EYS: variants seen among roughly 807,000 people sequenced by gnomAD.
EYS encodes the protein EGF-like photoreceptor maintenance factor.
Under a neutral mutation model 282.1 loss-of-function variants are expected in EYS, and 250 were observed. The observed-to-expected ratio is 0.89, with a 90% CI of 0.80 to 0.98. The LOEUF (loss-of-function observed/expected upper bound fraction) is 0.98, where lower values mean the gene tolerates loss of function less well. EYS is among the 50% of genes least tolerant of loss of function. The pLI, the probability that EYS is intolerant of heterozygous loss-of-function variation, is 0.00. For synonymous variants in EYS, 1,355 were observed against 1,282.9 expected, an observed-to-expected ratio of 1.06 and a Z score of -1.20; for missense variants, 4,016 against 3,709.0, an observed-to-expected ratio of 1.08 and a Z score of -2.15.
intron 2 of EYS, among the ~76,000 whole-genome samples, chr6:65,622,734 T>C (rs1265416642): frequency 6.6e-6 from 1 of 151,040 alleles, no homozygotes; most frequent in Non-Finnish European, 1.5e-5. Context: ...GAATATCTCT[T>C]ACTATATAGG....
intron 30 of EYS, among the ~76,000 whole-genome samples, chr6:64,284,509 A>G (rs550427958): frequency 5.9e-5 from 9 of 152,160 alleles, no homozygotes; most frequent in Middle Eastern, 3.4e-3. Context: ...TGGATCTACC[A>G]TTCTGGGGTC....
chr6:64,139,607 C>A (rs888114788), intron 31 of EYS, among the ~76,000 whole-genome samples: 2 of 151,948 alleles, frequency 1.3e-5, no homozygotes, highest in African/African-American at 4.8e-5. Flanking sequence ...GAAAGGTTAT[C>A]AATATGGGCA....
At chr6:65,115,319 C>A (rs1047809545) in intron 12 of EYS, among the ~76,000 whole-genome samples, 15 of 152,006 alleles carry the variant, frequency 9.9e-5, no homozygotes, top group Middle Eastern at 3.4e-3. Flanking sequence ...TGTATATGTG[C>A]CTATCCATGT....
chr6:64,708,271 C>T (rs1383873504), intron 22 of EYS, among the ~76,000 whole-genome samples: 5 of 152,128 alleles, frequency 3.3e-5, no homozygotes, highest in African/African-American at 4.8e-5. Context: ...AGCAGTACTG[C>T]GTATGACAGG....
intron 22 of EYS, among the ~76,000 whole-genome samples, chr6:64,690,723 G>A (rs2349512): frequency 0.061 from 9,322 of 152,066 alleles, 330 homozygotes; most frequent in East Asian, 0.15. Context: ...GCATACTCGC[G>A]CAAGGACAGA....
chr6:65,642,545 T>A (rs1170659653), intron 1 of EYS, among the ~76,000 whole-genome samples: 5 of 152,004 alleles, frequency 3.3e-5, no homozygotes, highest in Admixed American at 6.6e-5. Context: ...TTTTTTTTAT[T>A]CACCTTTGTC....
At chr6:64,984,727 C>T (rs1418125040) in intron 14 of EYS, among the ~76,000 whole-genome samples, 1 of 151,298 alleles carries the variant, frequency 6.6e-6, no homozygotes, top group African/African-American at 2.4e-5. Context: ...ACTCCCTCTG[C>T]CTTACAGTGC....
intron 31 of EYS, among the ~76,000 whole-genome samples, chr6:64,208,635 A>G (rs112088623): frequency 2.2e-4 from 34 of 152,302 alleles, no homozygotes; most frequent in African/African-American, 7.0e-4. Context: ...TATTTTAGAA[A>G]TCCAAAATGA....
chr6:65,015,468 C>A (rs577028991), intron 13 of EYS, among the ~76,000 whole-genome samples: 10 of 152,142 alleles, frequency 6.6e-5, no homozygotes, highest in Admixed American at 6.5e-4. Context: ...CTGTTGAAAG[C>A]TTTCCTAAAA....
In EYS at chr6:65,089,955, A is replaced by AG. The variant is rs1382861501; in HGVS notation, c.2024-32229_2024-32228insC. ...CTGGGCAAGAAAGCAAAAAAAAAAA[A>AG]AAAAATTATATATATATATAAATAA... On this transcript the variant is annotated intron_variant, in intron 12 of 42. Coordinates refer to ENST00000503581, the MANE Select transcript of EYS (RefSeq NM_001142800.2). Among the ~76,000 whole-genome samples the AG allele has an allele frequency of 2.8e-5, 4 of 140,796 alleles. No homozygotes were observed. The East Asian group carries it at 8.1e-4, about 29-fold the overall frequency. The allele number at this position is 140,796 out of a possible 152,430, so 92.4% of individuals were successfully genotyped here.
intron 2 of EYS, among the ~76,000 whole-genome samples, chr6:65,614,845 T>C (rs1331748072): frequency 1.3e-5 from 2 of 149,736 alleles, no homozygotes; most frequent in African/African-American, 4.9e-5. Flanking sequence ...ATACAATCTA[T>C]GCATATTCTG....
At chr6:63,926,820 C>T (rs1470391206) in intron 35 of EYS, among the ~76,000 whole-genome samples, 1 of 152,194 alleles carries the variant, frequency 6.6e-6, no homozygotes, top group Non-Finnish European at 1.5e-5. Context: ...CTATTACGTA[C>T]AAATTAACAA....
At chr6:64,960,993 T>C (rs943475409) in intron 14 of EYS, among the ~76,000 whole-genome samples, 4 of 152,210 alleles carry the variant, frequency 2.6e-5, no homozygotes, top group African/African-American at 9.6e-5. Flanking sequence ...ATTTATTTCT[T>C]CATTATGACT....
chr6:65,262,186 C>G (rs1284188286), intron 12 of EYS, among the ~76,000 whole-genome samples: 1 of 152,018 alleles, frequency 6.6e-6, no homozygotes, highest in Non-Finnish European at 1.5e-5. Flanking sequence ...CAGTAACATA[C>G]CTTTGATTCA....
chr6:64,340,808 A>G (rs912501697), intron 29 of EYS, among the ~76,000 whole-genome samples: 2 of 151,804 alleles, frequency 1.3e-5, no homozygotes, highest in Non-Finnish European at 2.9e-5. Flanking sequence ...ATATTTACAA[A>G]CTATACATCT....
intron 14 of EYS, among the ~76,000 whole-genome samples, chr6:64,990,385 T>G (rs1771023875): frequency 6.6e-6 from 1 of 151,628 alleles, no homozygotes; most frequent in South Asian, 2.1e-4. Context: ...ATTGATTGAT[T>G]TCTCAGAAAT....
Position 65,023,764 on chromosome 6 carries a change from T to C in EYS, c.2138-26061A>G, listed in dbSNP as rs73765721. On this transcript the variant is annotated intron_variant, in intron 13 of 42. Transcript: ENST00000503581. ...GCAAGAGCAGTCTTACAGGAAAGTA[T>C]GCACGTGTAGTGCAGGGCAATAATA... Among the ~76,000 whole-genome samples, 980 of 152,340 alleles carry C rather than the reference T, an allele frequency of 6.4e-3. 18 individuals carry two copies. The highest frequency in any genetic ancestry group is 0.021 in the African/African-American group (878 of 41,580).
rs146440319 is a variant in EYS, at chr6:64,897,177, G to A, written c.2846+4936C>T. Among the ~76,000 whole-genome samples the A allele has an allele frequency of 7.1e-3, 1,081 of 152,226 alleles. 6 individuals carry two copies. The highest frequency in any genetic ancestry group is 0.012 in the Non-Finnish European group (803 of 68,024). On this transcript the variant is annotated intron_variant, in intron 18 of 42. Coordinates refer to ENST00000503581, the MANE Select transcript of EYS (RefSeq NM_001142800.2). ...TGACTGGGAGACAACTCCCAGCAGC[G>A]GTCGACAGACACCTCATACAGGAGA...
At chr6:64,144,384 G>A (rs1774441907) in intron 31 of EYS, among the ~76,000 whole-genome samples, 1 of 152,170 alleles carries the variant, frequency 6.6e-6, no homozygotes. Flanking sequence ...GAATGAAAGA[G>A]AAAACTCTTC....
Sources: allele counts gnomAD v4.1 joint callset (sites outside exome capture counted in the v4.1 genomes callset), GRCh38; gene constraint gnomAD v4.1.1; transcripts MANE v1.5; gene names NCBI Gene and HGNC (gene_info 2026-07-23, HGNC 2026-07-21).